Variants in CADM2 observed in about 807,000 individuals in gnomAD.
The protein encoded by CADM2 is immunoglobulin superfamily member 4D.
A neutral mutation model predicts 49.8 loss-of-function variants in CADM2; 12 were observed. That is an observed-to-expected ratio of 0.24 (90% CI 0.15 to 0.39). The LOEUF is 0.39. Among genes scored for constraint, CADM2 ranks in the 10% least tolerant of loss-of-function variants. The pLI, the probability that CADM2 is intolerant of heterozygous loss-of-function variation, is 1.00. For missense variants in CADM2, 378 were observed against 492.3 expected, an observed-to-expected ratio of 0.77 and a Z score of 2.20; for synonymous variants, 214 against 175.4, an observed-to-expected ratio of 1.22 and a Z score of -1.74.
intron 1 of CADM2, among the ~76,000 whole-genome samples, chr3:85,253,257 T>A (rs2042814551): frequency 6.6e-6 from 1 of 152,064 alleles, no homozygotes; most frequent in East Asian, 1.9e-4. Flanking sequence ...AATATGCAAA[T>A]GTGTGCATAC....
chr3:85,062,465 A>C (rs2036366995), intron 1 of CADM2, among the ~76,000 whole-genome samples: 1 of 152,012 alleles, frequency 6.6e-6, no homozygotes, highest in South Asian at 2.1e-4. Context: ...AATAAATCGG[A>C]AATATTCCAT....
At chr3:85,252,779 G>C (rs1313159496) in intron 1 of CADM2, among the ~76,000 whole-genome samples, 4 of 151,902 alleles carry the variant, frequency 2.6e-5, no homozygotes, top group Non-Finnish European at 4.4e-5. Flanking sequence ...CTCATCTACT[G>C]TCAGCCTTAT....
intron 1 of CADM2, among the ~76,000 whole-genome samples, chr3:85,719,043 G>A (rs1007136649): frequency 6.6e-6 from 1 of 151,726 alleles, no homozygotes; most frequent in Non-Finnish European, 1.5e-5. Flanking sequence ...CACCCAAGTA[G>A]TTGGGATTAC....
At chr3:85,536,468 T>A (rs1252862217) in intron 1 of CADM2, among the ~76,000 whole-genome samples, 14 of 151,986 alleles carry the variant, frequency 9.2e-5, no homozygotes. Context: ...ATTGTTTTTT[T>A]CTTTTTCTTT....
chr3:85,886,394 G>T, intron 5 of CADM2, 67 bp downstream of exon 5: 6 of 1,213,076 alleles, frequency 4.9e-6, no homozygotes, highest in Non-Finnish European at 7.2e-6. Flanking sequence ...TAAGAAAAAG[G>T]CATTTTACAT....
chr3:85,384,145 T>C (rs1163069525), intron 1 of CADM2, among the ~76,000 whole-genome samples: 2 of 152,200 alleles, frequency 1.3e-5, no homozygotes, highest in Non-Finnish European at 2.9e-5. Flanking sequence ...ATTCTTGTTA[T>C]GGTATCTTTT....
At chr3:85,739,070 C>G (rs1262869314) in intron 2 of CADM2, among the ~76,000 whole-genome samples, 1 of 151,976 alleles carries the variant, frequency 6.6e-6, no homozygotes, top group Non-Finnish European at 1.5e-5. Context: ...AAAATTACCC[C>G]AGGAAAATAA....
intron 1 of CADM2, among the ~76,000 whole-genome samples, chr3:85,115,505 A>T (rs908353170): frequency 5.3e-5 from 8 of 152,150 alleles, no homozygotes; most frequent in African/African-American, 1.9e-4. Context: ...CCCTTCTGGC[A>T]GGAGGACTAG....
chr3:85,018,645 A>T (rs1400253123), intron 1 of CADM2, among the ~76,000 whole-genome samples: 1 of 152,092 alleles, frequency 6.6e-6, no homozygotes, highest in Non-Finnish European at 1.5e-5. Context: ...ACTCACAGAT[A>T]CTTTTAAGTT....
chr3:85,492,958 GA>G (rs2039738543), intron 1 of CADM2, among the ~76,000 whole-genome samples: 1 of 152,134 alleles, frequency 6.6e-6, no homozygotes, highest in East Asian at 1.9e-4. Context: ...TATAAATTAG[GA>G]TATATTAAGT....
intron 1 of CADM2, among the ~76,000 whole-genome samples, chr3:85,591,370 T>C (rs2063102836): frequency 6.6e-6 from 1 of 151,996 alleles, no homozygotes; most frequent in Admixed American, 6.6e-5. Flanking sequence ...GATGCTAAAA[T>C]AATTTACATT....
chr3:85,957,175 A>G (rs1724169730), intron 7 of CADM2, among the ~76,000 whole-genome samples: 1 of 151,766 alleles, frequency 6.6e-6, no homozygotes, highest in South Asian at 2.1e-4. Flanking sequence ...CTGTTATAAA[A>G]TAAGAATTGG....
At chr3:86,058,550 T>C (rs990643111) in intron 8 of CADM2, among the ~76,000 whole-genome samples, 1 of 151,928 alleles carries the variant, frequency 6.6e-6, no homozygotes, top group Non-Finnish European at 1.5e-5. Context: ...AAATCCAGAG[T>C]TTGTAAGCAG....
chr3:85,610,821 T>A (rs1233912406), intron 1 of CADM2, among the ~76,000 whole-genome samples: 1 of 151,994 alleles, frequency 6.6e-6, no homozygotes, highest in Admixed American at 6.6e-5. Context: ...TTGAAAATGA[T>A]TATGAATATC....
At chr3:85,119,005 T>A (rs1286277330) in intron 1 of CADM2, among the ~76,000 whole-genome samples, 2 of 152,174 alleles carry the variant, frequency 1.3e-5, no homozygotes, top group Non-Finnish European at 2.9e-5. Flanking sequence ...CATCTTGGCC[T>A]CCCAAAGTGC....
rs62250694 is a variant in CADM2, at chr3:85,443,658, C to G, written c.62-282864C>G. 9.9e-5 allele frequency among the ~76,000 whole-genome samples: 15 copies of G among 152,228 alleles called. 1 individual carries two copies. The highest frequency in any genetic ancestry group is 3.4e-4 in the African/African-American group (14 of 41,556). On this transcript the variant is annotated intron_variant, in intron 1 of 9. Transcript: ENST00000383699. ...AGTTTTCTACACAACTGATTAACAA[C>G]CTACCTCCATGTCTTGACTTTACTG...
At chr3:85,773,727 C>G (rs1010822014) in intron 2 of CADM2, among the ~76,000 whole-genome samples, 2 of 151,900 alleles carry the variant, frequency 1.3e-5, no homozygotes, top group African/African-American at 4.8e-5. Flanking sequence ...TCCTTGATTT[C>G]TCATACTTTA....
intron 8 of CADM2, among the ~76,000 whole-genome samples, chr3:86,033,896 C>A (rs1336777135): frequency 1.3e-5 from 2 of 149,654 alleles, no homozygotes; most frequent in Non-Finnish European, 3.0e-5. Flanking sequence ...TTTTAAAAAA[C>A]AATTTTATAC....
At chr3:85,670,311 T>C (rs1217857508) in intron 1 of CADM2, among the ~76,000 whole-genome samples, 1 of 152,168 alleles carries the variant, frequency 6.6e-6, no homozygotes, top group African/African-American at 2.4e-5. Context: ...TAGAAACAAA[T>C]AATACAATAA....
Sources: allele counts gnomAD v4.1 joint callset (sites outside exome capture counted in the v4.1 genomes callset), GRCh38; gene constraint gnomAD v4.1.1; transcripts MANE v1.5; gene names NCBI Gene and HGNC (gene_info 2026-07-23, HGNC 2026-07-21).